MAN1A2: variants seen among roughly 807,000 people sequenced by gnomAD.
MAN1A2 encodes the protein mannosidase alpha class 1A member 2.
In MAN1A2, 26 loss-of-function variants were observed where a neutral mutation model predicts 75.7. That is an observed-to-expected ratio of 0.34 (90% CI 0.25 to 0.48). MAN1A2 has a LOEUF of 0.48. MAN1A2 is among the 20% of genes least tolerant of loss of function. The pLI is 0.99. For synonymous variants in MAN1A2, 247 were observed against 264.6 expected (o/e 0.93, Z 0.65); for missense variants, 562 against 775.5 (o/e 0.72, Z 3.27).
At chr1:117,404,503 G>A (rs1279178718) in intron 2 of MAN1A2, among the ~76,000 whole-genome samples, 1 of 152,148 alleles carries the variant, frequency 6.6e-6, no homozygotes, top group Non-Finnish European at 1.5e-5. Flanking sequence ...TATTGTGAGT[G>A]TTAAGCATCT....
In MAN1A2 at chr1:117,524,449, TAGAAAC is replaced by T. The variant is rs1651952288; in HGVS notation, c.*1495_*1500del. 6.6e-6 allele frequency: 1 copy of T among 151,764 alleles called. No homozygotes were observed. The highest frequency in any genetic ancestry group is 2.1e-4 in the South Asian group (1 of 4,818). The allele number at this position is 151,764 out of a possible 1,614,324, so 9.4% of individuals were successfully genotyped here. ...ATCTTCCATTGACATTAATAAAACTTAGAAACAGTATAATTAGTATAACATTTACTC... is the reference window on the plus strand; with the variant it reads ...ATCTTCCATTGACATTAATAAAACTTAGTATAATTAGTATAACATTTACTC... On this transcript the variant is annotated 3_prime_UTR_variant, in exon 13 of 13. Coordinates refer to ENST00000356554, the MANE Select transcript of MAN1A2 (RefSeq NM_006699.5).
At chr1:117,494,535 A>G (rs1382054687) in intron 9 of MAN1A2, 1 of 152,070 alleles carries the variant, frequency 6.6e-6, no homozygotes, top group Non-Finnish European at 1.5e-5. Flanking sequence ...CTGTTCAGGC[A>G]CATAATTTGT....
intron 5 of MAN1A2, among the ~76,000 whole-genome samples, chr1:117,436,657 T>C (rs561323630): frequency 6.6e-6 from 1 of 152,288 alleles, no homozygotes; most frequent in African/African-American, 2.4e-5. Context: ...CAGGCTTACT[T>C]TCGCTTACTA....
chr1:117,496,635 C>T (rs920826827), intron 9 of MAN1A2, 128 bp from the exon 10 acceptor site: 12 of 645,686 alleles, frequency 1.9e-5, no homozygotes, highest in Non-Finnish European at 2.9e-5. Context: ...AATTAAGTCT[C>T]AGTTTGGGAA....
At chr1:117,411,461 TA>T (rs1647816242) in intron 3 of MAN1A2, among the ~76,000 whole-genome samples, 1 of 151,684 alleles carries the variant, frequency 6.6e-6, no homozygotes, top group Non-Finnish European at 1.5e-5. Context: ...AAGCTAAAAG[TA>T]AAAAAATTTC....
chr1:117,428,217 T>C (rs1169481731), intron 5 of MAN1A2, among the ~76,000 whole-genome samples: 1 of 151,700 alleles, frequency 6.6e-6, no homozygotes, highest in East Asian at 1.9e-4. Flanking sequence ...TGGGCTTAAG[T>C]GATCCTTGCA....
At chr1:117,416,282 T>A (rs566149080) in intron 4 of MAN1A2, among the ~76,000 whole-genome samples, 9 of 152,276 alleles carry the variant, frequency 5.9e-5, no homozygotes, top group African/African-American at 2.2e-4. Context: ...TACTAAACTA[T>A]CTTAACTACA....
chr1:117,458,512 G>GTATAGAT (rs1649692353), intron 6 of MAN1A2, among the ~76,000 whole-genome samples: 4 of 105,216 alleles, frequency 3.8e-5, no homozygotes, highest in South Asian at 3.0e-4. Context: ...TATATATATA[G>GTATAGAT]ATATATATAT....
chr1:117,459,661 T>G (rs975103176), intron 6 of MAN1A2, among the ~76,000 whole-genome samples: 75 of 152,110 alleles, frequency 4.9e-4, no homozygotes, highest in Non-Finnish European at 6.8e-4. Context: ...AAAAAATTAC[T>G]AGACAGATTA....
chr1:117,412,962 A>G (rs940793476), intron 3 of MAN1A2, among the ~76,000 whole-genome samples: 12 of 151,940 alleles, frequency 7.9e-5, no homozygotes, highest in African/African-American at 2.7e-4. Context: ...GAGCAGAACT[A>G]TCTACAAAAA....
At chr1:117,459,751 GT>G in intron 6 of MAN1A2, among the ~76,000 whole-genome samples, 1 of 152,200 alleles carries the variant, frequency 6.6e-6, no homozygotes, top group East Asian at 1.9e-4. Context: ...ACTGAAAAAT[GT>G]TCATGGTAAC....
In MAN1A2 at chr1:117,377,963, G is replaced by A. The variant is rs568163318; in HGVS notation, c.302+9478G>A. On this transcript the variant is annotated intron_variant, in intron 1 of 12. Coordinates refer to ENST00000356554, the MANE Select transcript of MAN1A2 (RefSeq NM_006699.5). Reference sequence around the variant, plus strand: ...AAAATACAAAAAAAATTAGCCAGGCGTGGTGGTGGGCACCTGTAGTCCCAG... The same window carrying A: ...AAAATACAAAAAAAATTAGCCAGGCATGGTGGTGGGCACCTGTAGTCCCAG... Among the ~76,000 whole-genome samples, 9 of 152,204 alleles carry A rather than the reference G, an allele frequency of 5.9e-5. No homozygotes were observed. In the East Asian group the frequency reaches 1.2e-3, roughly 20 times the overall value.
At chr1:117,417,718 T>A (rs1397282603) in intron 4 of MAN1A2, among the ~76,000 whole-genome samples, 4 of 150,804 alleles carry the variant, frequency 2.7e-5, no homozygotes, top group East Asian at 3.9e-4. Context: ...TCTCTCTCTC[T>A]CTCTCTCTCT....
At chr1:117,399,040 T>G (rs1647321675) in intron 1 of MAN1A2, among the ~76,000 whole-genome samples, 1 of 151,978 alleles carries the variant, frequency 6.6e-6, no homozygotes, top group Non-Finnish European at 1.5e-5. Flanking sequence ...CTAAAAAGAG[T>G]ATGCAGAAAA....
At chr1:117,386,584 A>G (rs1003054121) in intron 1 of MAN1A2, among the ~76,000 whole-genome samples, 1 of 152,092 alleles carries the variant, frequency 6.6e-6, no homozygotes, top group African/African-American at 2.4e-5. Flanking sequence ...CCTTTGCTTC[A>G]CTGTCTGCAC....
At chr1:117,403,420 T>C (rs1647507516) in intron 2 of MAN1A2, among the ~76,000 whole-genome samples, 1 of 152,228 alleles carries the variant, frequency 6.6e-6, no homozygotes, top group East Asian at 1.9e-4. Flanking sequence ...GGAGAGACAG[T>C]GATAGATTTT....
At chr1:117,373,243 A>G (rs1286227267) in intron 1 of MAN1A2, among the ~76,000 whole-genome samples, 1 of 151,472 alleles carries the variant, frequency 6.6e-6, no homozygotes, top group Non-Finnish European at 1.5e-5. Context: ...TCTTTGTCTC[A>G]TCCCTCTTCT....
chr1:117,489,736 T>C (rs1289488855), intron 8 of MAN1A2, among the ~76,000 whole-genome samples: 2 of 152,086 alleles, frequency 1.3e-5, no homozygotes, highest in African/African-American at 4.8e-5. Flanking sequence ...TGGAAACTTA[T>C]TCTTTTGCAT....
intron 1 of MAN1A2, among the ~76,000 whole-genome samples, chr1:117,369,555 C>T (rs1162526202): frequency 6.6e-6 from 1 of 152,180 alleles, no homozygotes; most frequent in Non-Finnish European, 1.5e-5. Flanking sequence ...TTTATGAGAA[C>T]TGGTTTTTCT....
Sources: allele counts gnomAD v4.1 joint callset (sites outside exome capture counted in the v4.1 genomes callset), GRCh38; gene constraint gnomAD v4.1.1; transcripts MANE v1.5; gene names NCBI Gene and HGNC (gene_info 2026-07-23, HGNC 2026-07-21).